The following TMEM243 variants were observed in gnomAD, a reference collection of about 807,000 sequenced individuals.
TMEM243 encodes transmembrane protein 243.
In TMEM243, 20 loss-of-function variants were observed where a neutral mutation model predicts 15.0. The observed-to-expected ratio is 1.33, with a 90% confidence interval of 0.94 to 1.93. The LOEUF (loss-of-function observed/expected upper bound fraction) is 1.93, where lower values mean the gene tolerates loss of function less well. Ranked by LOEUF, TMEM243 falls within the 30% of genes most tolerant of loss-of-function variation. The pLI is 0.00. For missense variants in TMEM243, 156 were observed against 142.1 expected (o/e 1.10, Z -0.50); for synonymous variants, 72 against 52.7 (o/e 1.37, Z -1.59).
intron 3 of TMEM243, 87 bp downstream of exon 3, chr7:87,197,854 T>C: frequency 1.9e-6 from 3 of 1,598,034 alleles, no homozygotes; most frequent in Non-Finnish European, 1.7e-6. Context: ...GATACCCTTT[T>C]GTATAGACCC....
At chr7:87,198,860 A>G (rs568676655) in intron 2 of TMEM243, 147 bp downstream of exon 2, 21 of 636,422 alleles carry the variant, frequency 3.3e-5, no homozygotes, top group Admixed American at 6.7e-5. Context: ...GGGCAGAATT[A>G]AATTAGCTAC....
intron 1 of TMEM243, among the ~76,000 whole-genome samples, chr7:87,203,822 TAATTCATACACAATC>T (rs1321309677): frequency 6.6e-6 from 1 of 152,126 alleles, no homozygotes; most frequent in Non-Finnish European, 1.5e-5. Flanking sequence ...AAAATATAGA[TAATTCATACACAATC>T]ATTTCTTATA....
chr7:87,199,086 A>T, intron 1 of TMEM243, 29 bp from the exon 2 acceptor site: 4 of 1,586,846 alleles, frequency 2.5e-6, no homozygotes, highest in Non-Finnish European at 3.4e-6. Context: ...TTTAAGCCAT[A>T]TGACTTGGAT....
At chr7:87,219,362 T>G in intron 1 of TMEM243, 64 bp downstream of exon 1, 1 of 1,539,014 alleles carries the variant, frequency 6.5e-7, no homozygotes, top group Non-Finnish European at 9.0e-7. Context: ...CAGCCCGGAC[T>G]CCGCCAGAGG....
intron 1 of TMEM243, among the ~76,000 whole-genome samples, chr7:87,217,578 C>A (rs1803199994): frequency 6.6e-6 from 1 of 152,212 alleles, no homozygotes; most frequent in South Asian, 2.1e-4. Flanking sequence ...TCTCTCCCTT[C>A]TCCATTCTGT....
intron 1 of TMEM243, 67 bp downstream of exon 1, chr7:87,219,359 G>T: frequency 6.6e-7 from 1 of 1,509,516 alleles, no homozygotes; most frequent in South Asian, 1.1e-5. Flanking sequence ...ACGCAGCCCG[G>T]ACTCCGCCAG....
chr7:87,210,048 GA>G (rs1444903609), intron 1 of TMEM243, among the ~76,000 whole-genome samples: 1 of 124,528 alleles, frequency 8.0e-6, no homozygotes, highest in Non-Finnish European at 1.7e-5. Context: ...AGAGACAGAG[GA>G]GGGGAAGGGG....
upstream of TMEM243, chr7:87,220,328 G>A (rs1324884076): frequency 6.6e-6 from 1 of 152,502 alleles, no homozygotes; most frequent in South Asian, 2.1e-4. Flanking sequence ...TCCCGCCTCG[G>A]CCCTGCCCAT....
rs1584511353 is a variant in TMEM243, at chr7:87,197,709, T to TC, written c.234+231_234+232insG. 1.9e-5 allele frequency: 21 copies of TC among 1,097,184 alleles called. No individual in the cohort carries two copies. The East Asian group carries it at 8.5e-4, about 45-fold the overall frequency. 68.0% of individuals were successfully genotyped at this position (1,097,184 alleles called of 1,614,324 possible). A position where few individuals can be genotyped will look rare whatever the true frequency, so the allele number is the denominator to read the frequency against. On this transcript the variant is annotated intron_variant, in intron 3 of 3. Transcript: ENST00000257637. ...ACTAATTTTTTTTTTTTTTTTTTTT[T>TC]TTTTTTTAAGCTATCAAGGGAGTGG...
chr7:87,199,096 T>TCCA (rs1194893975), intron 1 of TMEM243, 39 bp from the exon 2 acceptor site: 2 of 1,556,678 alleles, frequency 1.3e-6, no homozygotes, highest in Admixed American at 3.7e-5. Flanking sequence ...ATGACTTGGA[T>TCCA]CCATGTTACC....
At chr7:87,199,283 C>A (rs1426170928) in intron 1 of TMEM243, 5 of 451,934 alleles carry the variant, frequency 1.1e-5, no homozygotes, top group Non-Finnish European at 1.6e-5. Flanking sequence ...AGGGACAGAA[C>A]ATTTATACTA....
intron 1 of TMEM243, among the ~76,000 whole-genome samples, chr7:87,202,119 CATT>C (rs1801859125): frequency 6.6e-6 from 1 of 152,150 alleles, no homozygotes; most frequent in Non-Finnish European, 1.5e-5. Context: ...TGCATTTAAA[CATT>C]ATCTACTATA....
At chr7:87,212,721 A>G (rs1802840071) in intron 1 of TMEM243, among the ~76,000 whole-genome samples, 1 of 152,202 alleles carries the variant, frequency 6.6e-6, no homozygotes, top group Non-Finnish European at 1.5e-5. Flanking sequence ...GTGAGCTCAG[A>G]ATGTCCCAAG....
intron 1 of TMEM243, among the ~76,000 whole-genome samples, chr7:87,212,224 G>T (rs908558779): frequency 3.3e-5 from 5 of 152,180 alleles, no homozygotes; most frequent in African/African-American, 1.2e-4. Flanking sequence ...CCATGTCTAA[G>T]GGGGAATCTT....
chr7:87,209,577 TGAGA>T (rs779825846), intron 1 of TMEM243, among the ~76,000 whole-genome samples: 12 of 115,286 alleles, frequency 1.0e-4, no homozygotes, highest in South Asian at 5.8e-4. Context: ...AGAGAGACAG[TGAGA>T]GAGACAGTGA....
chr7:87,197,747 G>A, intron 3 of TMEM243, 194 bp downstream of exon 3: 2 of 1,285,392 alleles, frequency 1.6e-6, no homozygotes, highest in Non-Finnish European at 2.0e-6. Flanking sequence ...TTTCTCTTTG[G>A]GGTTACAACT....
Position 87,197,688 on chromosome 7 carries a change from ATTTTTTTTTTTTTTT to A in TMEM243, c.234+238_234+252del. On this transcript the variant is annotated intron_variant, in intron 3 of 3. Coordinates refer to ENST00000257637, the MANE Select transcript of TMEM243 (RefSeq NM_024315.4). ...TTTGGCCACCTACGTCTTTCCACTA[ATTTTTTTTTTTTTTT>A]TTTTTTTTTTTTTAAGCTATCAAGG... is the stretch of plus-strand genomic sequence containing the variant. The A allele has an allele frequency of 6.1e-6, 6 of 982,072 alleles. No individual in the cohort carries two copies. The Admixed American group carries it at 2.2e-4, about 37-fold the overall frequency. 60.8% of individuals were successfully genotyped at this position (982,072 alleles called of 1,614,324 possible).
chr7:87,206,126 T>C (rs923964987), intron 1 of TMEM243, among the ~76,000 whole-genome samples: 3 of 152,326 alleles, frequency 2.0e-5, no homozygotes, highest in Non-Finnish European at 2.9e-5. Flanking sequence ...ATGAGACTTA[T>C]TCACTACCAC....
chr7:87,201,131 TCC>T (rs1801774643), intron 1 of TMEM243, among the ~76,000 whole-genome samples: 6 of 152,240 alleles, frequency 3.9e-5, no homozygotes, highest in Non-Finnish European at 1.5e-5. Context: ...CCTCTGGGAT[TCC>T]CAAGATGGGA....
Sources: gnomAD v4.1 joint callset for allele counts (sites outside exome capture counted in the v4.1 genomes callset) on GRCh38, gnomAD v4.1.1 for gene constraint, MANE v1.5 for transcripts, NCBI Gene and HGNC (gene_info 2026-07-23, HGNC 2026-07-21) for gene names.